GDA: variants seen among roughly 807,000 people sequenced by gnomAD.
The protein encoded by GDA is cytoplasmic PSD-95 interactor.
Under a neutral mutation model 59.6 loss-of-function variants are expected in GDA, and 18 were observed. That is an observed-to-expected ratio of 0.30 (90% CI 0.21 to 0.45). The LOEUF (loss-of-function observed/expected upper bound fraction) is 0.45. GDA is among the 20% of genes least tolerant of loss of function. The pLI, the probability that GDA is intolerant of heterozygous loss-of-function variation, is 1.00. For synonymous variants in GDA, 201 were observed against 201.1 expected, an observed-to-expected ratio of 1.00 and a Z score of 0.00; for missense variants, 427 against 552.3, an observed-to-expected ratio of 0.77 and a Z score of 2.27.
chr9:72,195,562 G>A lies in GDA; in HGVS notation c.186G>A (p.Pro62=), dbSNP rs146363148. The part of the protein sequence containing the change: ...EKLAKEWCFK[P]CEIRELSHHE... ...TGGCCAAAGAATGGTGCTTCAAGCC[G>A]TGTGAAATAAGAGAACTGAGCCACC... Residue 62 remains proline (P), a synonymous_variant, in exon 2 of 14, where the codon CCG becomes CCA. Transcript: ENST00000358399. The A allele has an allele frequency of 8.7e-5, 137 of 1,568,746 alleles. No homozygotes were observed. The African/African-American group carries it at 1.4e-3, about 16-fold the overall frequency.
intron 10 of GDA, among the ~76,000 whole-genome samples, chr9:72,239,782 G>C (rs2131768190): frequency 6.6e-6 from 1 of 152,212 alleles, no homozygotes; most frequent in South Asian, 2.1e-4. Context: ...ACACAGACTA[G>C]TAACTTAAGT....
At chr9:72,163,660 T>C (rs983722871) in intron 1 of GDA, among the ~76,000 whole-genome samples, 2 of 151,998 alleles carry the variant, frequency 1.3e-5, no homozygotes, top group Non-Finnish European at 2.9e-5. Context: ...GCCTGGCTAA[T>C]TTTTTGTATT....
At chr9:72,233,205 C>A (rs1181561693) in intron 10 of GDA, among the ~76,000 whole-genome samples, 1 of 152,102 alleles carries the variant, frequency 6.6e-6, no homozygotes, top group Non-Finnish European at 1.5e-5. Flanking sequence ...ATTCACACAC[C>A]CTGTCTATAA....
intron 1 of GDA, among the ~76,000 whole-genome samples, chr9:72,143,394 G>C (rs1826513591): frequency 1.3e-5 from 2 of 152,098 alleles, no homozygotes; most frequent in African/African-American, 4.8e-5. Context: ...CTCCCAAAGT[G>C]CTGTGATTAC....
chr9:72,215,846 A>G (rs1836042813), intron 5 of GDA, among the ~76,000 whole-genome samples: 1 of 152,232 alleles, frequency 6.6e-6, no homozygotes, highest in Admixed American at 6.5e-5. Context: ...TGTGCAAGGA[A>G]AATGAAAACA....
At chr9:72,146,285 A>AGG (rs1248039769), upstream of GDA, among the ~76,000 whole-genome samples, 1 of 152,030 alleles carries the variant, frequency 6.6e-6, no homozygotes. Flanking sequence ...AGAAGCAGCC[A>AGG]GGGAATATTC....
intron 2 of GDA, among the ~76,000 whole-genome samples, chr9:72,200,244 C>T (rs1227403778): frequency 6.6e-6 from 1 of 152,118 alleles, no homozygotes; most frequent in Non-Finnish European, 1.5e-5. Flanking sequence ...GATCTGCCCG[C>T]CTTGGCCTCC....
chr9:72,116,070 T>G (rs1825427391), intron 1 of GDA, among the ~76,000 whole-genome samples: 1 of 151,922 alleles, frequency 6.6e-6, no homozygotes, highest in Non-Finnish European at 1.5e-5. Flanking sequence ...CCGTCTCTAC[T>G]AAAAGTACAA....
chr9:72,142,814 G>C (rs1338124104), intron 1 of GDA, among the ~76,000 whole-genome samples: 2 of 151,930 alleles, frequency 1.3e-5, no homozygotes, highest in Non-Finnish European at 2.9e-5. Context: ...TGTTGCCCAG[G>C]CTGGAGTGCA....
intron 9 of GDA, chr9:72,228,260 G>C: frequency 2.1e-6 from 1 of 480,356 alleles, no homozygotes; most frequent in Non-Finnish European, 3.7e-6. Flanking sequence ...AGCATCTTCT[G>C]AAATCTCTGA....
At chr9:72,160,644 T>A (rs917699810) in intron 1 of GDA, among the ~76,000 whole-genome samples, 1 of 152,244 alleles carries the variant, frequency 6.6e-6, no homozygotes, top group Non-Finnish European at 1.5e-5. Flanking sequence ...GATGGACATT[T>A]GAGTTGTTTC....
chr9:72,145,327 T>A (rs1274055090), upstream of GDA, among the ~76,000 whole-genome samples: 1 of 152,226 alleles, frequency 6.6e-6, no homozygotes. Flanking sequence ...GGGAGTTTAC[T>A]GTGATGAGAC....
At chr9:72,237,578 C>T (rs114499849) in intron 10 of GDA, among the ~76,000 whole-genome samples, 125 of 152,252 alleles carry the variant, frequency 8.2e-4, no homozygotes, top group African/African-American at 2.9e-3. Flanking sequence ...TTAATATACT[C>T]AGATGACACA....
At chr9:72,240,695 G>T (rs970618853) in intron 10 of GDA, among the ~76,000 whole-genome samples, 11 of 152,096 alleles carry the variant, frequency 7.2e-5, no homozygotes, top group African/African-American at 2.7e-4. Context: ...ACAGGGAGAA[G>T]AGAAGAAGGC....
chr9:72,245,593 TA>T (rs1157434754), intron 12 of GDA, among the ~76,000 whole-genome samples: 1 of 152,188 alleles, frequency 6.6e-6, no homozygotes, highest in Non-Finnish European at 1.5e-5. Context: ...CTTCCATACC[TA>T]ATTTTGTTCG....
At chr9:72,147,677 G>T (rs1307755423), upstream of GDA, among the ~76,000 whole-genome samples, 1 of 150,690 alleles carries the variant, frequency 6.6e-6, no homozygotes, top group African/African-American at 2.5e-5. Flanking sequence ...ATTATTAACC[G>T]TATCTGTTTT....
At chr9:72,233,169 A>G (rs577654850) in intron 10 of GDA, among the ~76,000 whole-genome samples, 284 of 152,302 alleles carry the variant, frequency 1.9e-3, no homozygotes, top group Non-Finnish European at 3.1e-3. Context: ...ACCTCATACT[A>G]TGAATAGAGA....
chr9:72,232,954 T>C (rs1838526552), intron 10 of GDA, among the ~76,000 whole-genome samples: 1 of 152,196 alleles, frequency 6.6e-6, no homozygotes, highest in African/African-American at 2.4e-5. Context: ...TCAATCAAGA[T>C]TGGCTTAAAA....
At chr9:72,176,782 G>A (rs547038226) in intron 1 of GDA, among the ~76,000 whole-genome samples, 19 of 152,236 alleles carry the variant, frequency 1.2e-4, no homozygotes, top group African/African-American at 4.6e-4. Context: ...TGCAACTGTG[G>A]TAATCTTAAC....
Sources: gnomAD v4.1 joint callset for allele counts (sites outside exome capture counted in the v4.1 genomes callset) on GRCh38, gnomAD v4.1.1 for gene constraint, MANE v1.5 for transcripts, NCBI Gene and HGNC (gene_info 2026-07-23, HGNC 2026-07-21) for gene names.